The following GREB1 variants were observed in gnomAD, a reference collection of about 807,000 sequenced individuals.
GREB1 encodes growth regulating estrogen receptor binding 1, also known as protein GREB1.
GREB1 carries 106 observed loss-of-function variants against 200.7 expected under a neutral mutation model. That is an observed-to-expected ratio of 0.53 (90% CI 0.45 to 0.62). The LOEUF is 0.62. Among genes scored for constraint, GREB1 ranks in the 20% least tolerant of loss-of-function variants. GREB1 has a pLI of 0.00. For synonymous variants in GREB1, 1,132 were observed against 1,092.4 expected, an observed-to-expected ratio of 1.04 and a Z score of -0.72; for missense variants, 2,243 against 2,556.8, an observed-to-expected ratio of 0.88 and a Z score of 2.65.
At position 11,588,947 on chromosome 2, in the gene GREB1, C is replaced by G; in HGVS notation, c.1345+16C>G. 6.2e-7 allele frequency: 1 copy of G among 1,609,664 alleles called. No homozygotes were observed. Among genetic ancestry groups the G allele is most frequent in the Non-Finnish European group, 8.5e-7 (1 of 1,176,284 alleles). ...GTCCAGCTGGGTGAGTCACCTCCAC[C>G]TCCTGGCCCAGTGGCAGGGAGTGGC... On this transcript the variant is annotated intron_variant, in intron 10 of 32. Transcript: ENST00000381486.
At position 11,642,462 on chromosome 2, in the gene GREB1, T is replaced by G. The variant is rs1469292843; in HGVS notation, c.*2008T>G. On this transcript the variant is annotated 3_prime_UTR_variant, in exon 33 of 33. Coordinates refer to ENST00000381486, the MANE Select transcript of GREB1 (RefSeq NM_014668.4). ...ATTCTTACACATCTATCCTAGACAT[T>G]TATAAGCACTCTAATGGATAACAAT... is the stretch of plus-strand genomic sequence containing the variant. 6.6e-6 allele frequency: 1 copy of G among 152,132 alleles called. No individual in the cohort carries two copies. The highest frequency in any genetic ancestry group is 1.5e-5 in the Non-Finnish European group (1 of 68,012). 9.4% of individuals were successfully genotyped at this position (152,132 alleles called of 1,614,324 possible).
chr2:11,510,616 C>A (rs1558491137), intron 1 of GREB1, among the ~76,000 whole-genome samples: 1 of 151,882 alleles, frequency 6.6e-6, no homozygotes. Context: ...ATAATGAGTT[C>A]ATTTCCTCGC....
chr2:11,489,822 GTTA>G (rs1189275896), intron 1 of GREB1, among the ~76,000 whole-genome samples: 1 of 152,002 alleles, frequency 6.6e-6, no homozygotes, highest in Non-Finnish European at 1.5e-5. Context: ...CAGCAAAGTT[GTTA>G]TTATCGTTCC....
At chr2:11,562,651 G>T in intron 3 of GREB1, 69 bp downstream of exon 3, 2 of 1,493,696 alleles carry the variant, frequency 1.3e-6, no homozygotes, top group South Asian at 2.7e-5. Context: ...CCAGGCGGGT[G>T]ACTGGGCCTG....
chr2:11,595,592 G>A (rs1681138109), intron 12 of GREB1, among the ~76,000 whole-genome samples: 1 of 152,118 alleles, frequency 6.6e-6, no homozygotes, highest in South Asian at 2.1e-4. Flanking sequence ...TGCTTGAGCT[G>A]TAGAGTTCTC....
chr2:11,594,641 C>T (rs999377142), intron 11 of GREB1, among the ~76,000 whole-genome samples: 10 of 152,026 alleles, frequency 6.6e-5, no homozygotes, highest in African/African-American at 2.4e-4. Flanking sequence ...AGGCAAGAGC[C>T]ACCGTGCCCG....
At chr2:11,562,775 AGCT>A in intron 3 of GREB1, 193 bp downstream of exon 3, 1 of 498,964 alleles carries the variant, frequency 2.0e-6, no homozygotes. Flanking sequence ...CTGAAACAGG[AGCT>A]CCAGAGACAC....
intron 3 of GREB1, among the ~76,000 whole-genome samples, chr2:11,564,888 A>ATC (rs770067664): frequency 4.0e-4 from 61 of 152,212 alleles, no homozygotes; most frequent in Admixed American, 1.2e-3. Context: ...TGAAAGGCAC[A>ATC]TCACATGGCA....
rs367624603 is a variant in GREB1, at chr2:11,610,929, G to T, written c.2908G>T (p.Val970Leu). 16 of 1,611,632 alleles carry T rather than the reference G, an allele frequency of 9.9e-6. No individual in the cohort carries two copies. Among genetic ancestry groups the T allele is most frequent in the Non-Finnish European group, 1.4e-5 (16 of 1,179,366 alleles). Residue 970 changes from valine (V) to leucine (L), a missense_variant, in exon 18 of 33, where the codon GTG becomes TTG. Transcript: ENST00000381486. ...GGTGGCCTATGAGCGGCTGGCCCAC[G>T]TGCGGGCCCGGCTGGCGCTGGAGGA... is the stretch of plus-strand genomic sequence containing the variant. Reference protein sequence around the residue: ...AVVAYERLAHVRARLALEEHF... With the variant: ...AVVAYERLAHLRARLALEEHF...
At chr2:11,551,585 G>A (rs1000752242) in intron 1 of GREB1, among the ~76,000 whole-genome samples, 1 of 152,126 alleles carries the variant, frequency 6.6e-6, no homozygotes, top group African/African-American at 2.4e-5. Context: ...TTACTCTTAG[G>A]CAAATGAACT....
intron 1 of GREB1, among the ~76,000 whole-genome samples, chr2:11,504,267 C>A (rs142236783): frequency 5.5e-4 from 83 of 152,224 alleles, no homozygotes; most frequent in African/African-American, 1.8e-3. Flanking sequence ...CATCATGCTG[C>A]TAAGAATGGC....
At position 11,578,333 on chromosome 2, in the gene GREB1, C is replaced by T. The variant is rs146767513; in HGVS notation, c.674C>T (p.Ser225Phe). The change falls in exon 6 of 33, where the codon TCC becomes TTC. Residue 225 changes from serine (S) to phenylalanine (F), a missense_variant. By Grantham distance (155) the Ser-to-Phe change is radical (BLOSUM62 -2). This residue lies in a region of GREB1 where 1,178 missense variants were observed against 1,387.4 expected (regional missense o/e 0.85). Coordinates refer to ENST00000381486, the MANE Select transcript of GREB1 (RefSeq NM_014668.4). ...CGGCAGATCCCCGCCAGTACTTGTTCCAGTTCCCTCTTCCCAGCCCTGGAG... is the reference window on the plus strand; with the variant it reads ...CGGCAGATCCCCGCCAGTACTTGTTTCAGTTCCCTCTTCCCAGCCCTGGAG... ...RSRQIPASTC[S>F]SSLFPALEST... 2 of 1,614,148 alleles carry T rather than the reference C, an allele frequency of 1.2e-6. No individual in the cohort carries two copies. The highest frequency in any genetic ancestry group is 1.3e-5 in the African/African-American group (1 of 75,050).
intron 15 of GREB1, among the ~76,000 whole-genome samples, chr2:11,599,517 G>GTTTTT (rs1333240885): frequency 2.4e-5 from 2 of 83,556 alleles, no homozygotes; most frequent in Admixed American, 1.2e-4. Context: ...TTTCGTTTTT[G>GTTTTT]TATTTTTTTT....
intron 1 of GREB1, among the ~76,000 whole-genome samples, chr2:11,515,670 G>A (rs991539755): frequency 6.6e-6 from 1 of 152,236 alleles, no homozygotes; most frequent in Non-Finnish European, 1.5e-5. Flanking sequence ...TGTCTCCCAG[G>A]AGGAATGCTG....
chr2:11,640,596 T>TG lies in GREB1; in HGVS notation c.*145dup, dbSNP rs1338682989. ...CAGGTGCAGCCCCTCCTAGTACACA[T>TG]GGGCCCCCGAGGCCGTGGTCCTGGG... On this transcript the variant is annotated 3_prime_UTR_variant, in exon 33 of 33. Transcript: ENST00000381486. This position sits in a 1 kb window ranked among gnomAD's most constrained non-coding sequence, Gnocchi z 4.6. The TG allele has an allele frequency of 1.1e-6, 1 of 917,184 alleles. No homozygotes were observed. The highest frequency in any genetic ancestry group is 1.7e-5 in the African/African-American group (1 of 59,782). 56.8% of individuals were successfully genotyped at this position (917,184 alleles called of 1,614,324 possible).
At chr2:11,625,004 T>A in intron 23 of GREB1, 150 bp from the exon 24 acceptor site, 1 of 670,786 alleles carries the variant, frequency 1.5e-6, no homozygotes, top group Non-Finnish European at 2.6e-6. Flanking sequence ...CGTGTAGGTG[T>A]GTGTAAGTGC....
chr2:11,587,415 T>C, intron 9 of GREB1: 1 of 1,614,048 alleles, frequency 6.2e-7, no homozygotes, highest in Non-Finnish European at 8.5e-7. Context: ...ATGGTAGCCC[T>C]TGGTCCGGCA....
intron 17 of GREB1, among the ~76,000 whole-genome samples, chr2:11,607,947 G>A (rs1473155471): frequency 1.3e-5 from 2 of 152,126 alleles, no homozygotes; most frequent in East Asian, 3.8e-4. Flanking sequence ...GTATCTGTAT[G>A]ATGGTTTTAT....
rs1681396725 is a variant in GREB1 at position 11,597,699 on chromosome 2, G to A, written c.1955-82G>A. The A allele has an allele frequency of 6.5e-6, 8 of 1,229,794 alleles. No individual in the cohort carries two copies. Among genetic ancestry groups the A allele is most frequent in the Admixed American group, 1.7e-5 (1 of 59,414 alleles). 76.2% of individuals were successfully genotyped at this position (1,229,794 alleles called of 1,614,324 possible). On this transcript the variant is annotated intron_variant, in intron 13 of 32. Coordinates refer to ENST00000381486, the MANE Select transcript of GREB1 (RefSeq NM_014668.4). This position sits in a 1 kb window ranked among gnomAD's most constrained non-coding sequence, Gnocchi z 4.1. The stretch of plus-strand genomic sequence containing the variant: ...GAATGGGGCCGTCTCCCCTGGACAG[G>A]TCTCACTGATTCTCTGGCCAAGGGC...
Sources: gnomAD v4.1 joint callset for allele counts (sites outside exome capture counted in the v4.1 genomes callset) on GRCh38, gnomAD v4.1.1 for gene constraint, gnomAD v4.1.1 regional missense constraint, Gnocchi (gnomAD v3.1) non-coding constraint, MANE v1.5 for transcripts, NCBI Gene and HGNC (gene_info 2026-07-23, HGNC 2026-07-21) for gene names.